Variants in PLCE1 observed in about 807,000 individuals in gnomAD.
PLCE1 encodes the protein 1-phosphatidylinositol 4,5-bisphosphate phosphodiesterase epsilon-1.
PLCE1 carries 119 observed loss-of-function variants against 242.8 expected under a neutral mutation model. The observed-to-expected ratio is 0.49, with a 90% confidence interval of 0.42 to 0.57. The LOEUF (loss-of-function observed/expected upper bound fraction) is 0.57. Ranked by LOEUF, PLCE1 falls within the 20% of genes least tolerant of loss-of-function variation. The probability of loss-of-function intolerance (pLI) is 0.00; values close to 1 mark genes in which losing one functional copy is unlikely to be tolerated. For missense variants in PLCE1, 2,441 were observed against 2,788.8 expected (o/e 0.88, Z 2.81); for synonymous variants, 945 against 1,017.4 (o/e 0.93, Z 1.35).
In PLCE1 at chr10:94,298,242, TCA is replaced by T; in HGVS notation, c.5168-134_5168-133del. On this transcript the variant is annotated intron_variant, in intron 23 of 32. Transcript: ENST00000371380. This position sits in a 1 kb window ranked among gnomAD's most constrained non-coding sequence, Gnocchi z 5.2. ...TGTTGTTTTAAAGTGGCGAACTAAC[TCA>T]CAAGTAAAATCCAAGAGGTATTCTG... The T allele has an allele frequency of 1.3e-6, 1 of 775,714 alleles. No individual in the cohort carries two copies. The highest frequency in any genetic ancestry group is 1.7e-5 in the South Asian group (1 of 59,256). 48.1% of individuals were successfully genotyped at this position (775,714 alleles called of 1,614,324 possible).
chr10:94,250,276 T>C (rs945945649), intron 8 of PLCE1, among the ~76,000 whole-genome samples: 2 of 151,248 alleles, frequency 1.3e-5, no homozygotes, highest in Non-Finnish European at 2.9e-5. Context: ...CCGAAGTGGG[T>C]GGATCACTTG....
chr10:94,140,482 G>T (rs1430987214), intron 3 of PLCE1, among the ~76,000 whole-genome samples: 1 of 152,164 alleles, frequency 6.6e-6, no homozygotes, highest in Non-Finnish European at 1.5e-5. Flanking sequence ...GGAGGAGGTT[G>T]CAGTGAGCCG....
chr10:94,275,111 A>C (rs2051893077), intron 19 of PLCE1, among the ~76,000 whole-genome samples: 1 of 152,176 alleles, frequency 6.6e-6, no homozygotes, highest in Non-Finnish European at 1.5e-5. Flanking sequence ...GTGCACAGTC[A>C]TTTGCAGTTA....
chr10:94,025,921 C>T (rs979923452), intron 1 of PLCE1, among the ~76,000 whole-genome samples: 5 of 152,202 alleles, frequency 3.3e-5, no homozygotes, highest in African/African-American at 9.6e-5. Flanking sequence ...CAAATATTTT[C>T]GGCTTTGTAG....
At chr10:94,121,502 A>G (rs1298633808) in intron 2 of PLCE1, among the ~76,000 whole-genome samples, 2 of 152,196 alleles carry the variant, frequency 1.3e-5, no homozygotes, top group Non-Finnish European at 2.9e-5. Flanking sequence ...TTGGAGCTCT[A>G]AAGATTCAGG....
intron 2 of PLCE1, among the ~76,000 whole-genome samples, chr10:94,091,507 A>T (rs2045072578): frequency 2.0e-5 from 3 of 152,214 alleles, no homozygotes; most frequent in Admixed American, 6.5e-5. Flanking sequence ...ATAGTTCATT[A>T]TATAACTATA....
chr10:94,137,056 G>A (rs1417624448), intron 3 of PLCE1, among the ~76,000 whole-genome samples: 1 of 152,168 alleles, frequency 6.6e-6, no homozygotes, highest in Non-Finnish European at 1.5e-5. Flanking sequence ...AGCCGGGTAT[G>A]GTGGTGGGTG....
chr10:94,257,823 G>A (rs1023666409), intron 11 of PLCE1, among the ~76,000 whole-genome samples: 3 of 152,122 alleles, frequency 2.0e-5, no homozygotes, highest in African/African-American at 7.2e-5. Context: ...CTAATGTAAA[G>A]GACGAGTTAA....
intron 13 of PLCE1, among the ~76,000 whole-genome samples, chr10:94,261,159 C>A (rs1464974442): frequency 6.6e-6 from 1 of 152,166 alleles, no homozygotes; most frequent in Non-Finnish European, 1.5e-5. Context: ...CCCCCGCGAC[C>A]TCCCTCCAAA....
At chr10:94,156,802 A>G (rs370549333) in intron 3 of PLCE1, among the ~76,000 whole-genome samples, 25 of 152,280 alleles carry the variant, frequency 1.6e-4, no homozygotes, top group African/African-American at 6.0e-4. Context: ...AAGTTACCTC[A>G]TTAGAACAAA....
chr10:94,327,581 C>T (rs1564902995), intron 32 of PLCE1, among the ~76,000 whole-genome samples: 1 of 152,144 alleles, frequency 6.6e-6, no homozygotes, highest in African/African-American at 2.4e-5. Flanking sequence ...TTTTAGGTAA[C>T]ATATTTCATA....
At chr10:94,141,935 A>G (rs1430942923) in intron 3 of PLCE1, among the ~76,000 whole-genome samples, 1 of 152,198 alleles carries the variant, frequency 6.6e-6, no homozygotes, top group African/African-American at 2.4e-5. Context: ...ACTGCATCCA[A>G]AAAAACAACC....
At position 94,132,371 on chromosome 10, in the gene PLCE1, T is replaced by C. The variant is rs1007211464; in HGVS notation, c.1404T>C (p.Gly468=). 6 of 1,613,930 alleles carry C rather than the reference T, an allele frequency of 3.7e-6. No homozygotes were observed. Among genetic ancestry groups the C allele is most frequent in the Admixed American group, 3.3e-5 (2 of 59,988 alleles). The part of the protein sequence containing the change: ...QRTSISQYIT[G]SLLEATTSLG... ...CTTCAATATCGCAGTACATCACCGG[T>C]TCTCTCCTAGAAGCAACCACGTCTT... Residue 468 remains glycine (G), a synonymous_variant, in exon 3 of 33, where the codon GGT becomes GGC. Transcript: ENST00000371380.
At chr10:94,220,126 G>A (rs940305989) in intron 4 of PLCE1, among the ~76,000 whole-genome samples, 6 of 151,548 alleles carry the variant, frequency 4.0e-5, no homozygotes, top group East Asian at 1.9e-4. Flanking sequence ...ACCATGGCCC[G>A]TGCTTTAAGG....
In PLCE1 at chr10:94,242,500, G is replaced by A. The variant is rs187585168; in HGVS notation, c.2421-3446G>A. On this transcript the variant is annotated intron_variant, in intron 7 of 32. Transcript: ENST00000371380. ...TAATTTTTGTATTTTTAGTAGAGAC[G>A]GGGTTTTACCATGTTCGCCAGGCTG... 1.9e-3 allele frequency among the ~76,000 whole-genome samples: 283 copies of A among 152,102 alleles called. 1 individual carries two copies. Among genetic ancestry groups the A allele is most frequent in the Admixed American group, 3.6e-3 (55 of 15,264 alleles).
chr10:94,173,250 TG>T (rs1232471595), intron 4 of PLCE1, among the ~76,000 whole-genome samples: 1 of 152,168 alleles, frequency 6.6e-6, no homozygotes, highest in African/African-American at 2.4e-5. Flanking sequence ...AGGATTGCAC[TG>T]GGGGGTGGTG....
At chr10:94,264,546 G>T (rs1270260713) in intron 14 of PLCE1, among the ~76,000 whole-genome samples, 1 of 106,866 alleles carries the variant, frequency 9.4e-6, no homozygotes, top group African/African-American at 3.6e-5. Flanking sequence ...TTTTGAGACA[G>T]AGTCTTGCTC....
At chr10:94,281,637 A>T (rs1271793745) in intron 20 of PLCE1, among the ~76,000 whole-genome samples, 1 of 152,154 alleles carries the variant, frequency 6.6e-6, no homozygotes, top group Non-Finnish European at 1.5e-5. Context: ...TAGGCCTTAG[A>T]TGCCTCAGAT....
At chr10:94,190,053 T>G (rs78304859) in intron 4 of PLCE1, among the ~76,000 whole-genome samples, 2,073 of 152,180 alleles carry the variant, frequency 0.014, 21 homozygotes, top group Non-Finnish European at 0.022. Context: ...ATAATCCCAA[T>G]GGGTGGACTG....
Sources: gnomAD v4.1 joint callset for allele counts (sites outside exome capture counted in the v4.1 genomes callset) on GRCh38, gnomAD v4.1.1 for gene constraint, Gnocchi (gnomAD v3.1) non-coding constraint, MANE v1.5 for transcripts, NCBI Gene and HGNC (gene_info 2026-07-23, HGNC 2026-07-21) for gene names.